AGL: variants seen among roughly 807,000 people sequenced by gnomAD.
AGL encodes amylo-alpha-1,6-glucosidase and 4-alpha-glucanotransferase, also known as glycogen debranching enzyme.
A neutral mutation model predicts 199.3 loss-of-function variants in AGL; 128 were observed. The observed-to-expected ratio is 0.64, with a 90% CI of 0.56 to 0.74. The LOEUF (loss-of-function observed/expected upper bound fraction) is 0.74. Ranked by LOEUF, AGL falls within the 30% of genes least tolerant of loss-of-function variation. The pLI is 0.00. For missense variants in AGL, 1,809 were observed against 1,820.8 expected (o/e 0.99, Z 0.12); for synonymous variants, 584 against 594.7 (o/e 0.98, Z 0.26).
intron 5 of AGL, among the ~76,000 whole-genome samples, chr1:99,866,800 T>TATTCTTTCTTTC (rs1553184030): frequency 2.6e-5 from 4 of 151,018 alleles, no homozygotes; most frequent in African/African-American, 9.7e-5. Context: ...ACAAGTTTTC[T>TATTCTTTCTTTC]TTTATTTATT....
At chr1:99,880,254 T>C (rs1435517085) in intron 13 of AGL, among the ~76,000 whole-genome samples, 2 of 152,228 alleles carry the variant, frequency 1.3e-5, no homozygotes, top group Non-Finnish European at 2.9e-5. Flanking sequence ...CATTTCAAAT[T>C]GAAAGACCAG....
At chr1:99,897,904 A>T (rs1027535089) in intron 25 of AGL, among the ~76,000 whole-genome samples, 10 of 152,216 alleles carry the variant, frequency 6.6e-5, no homozygotes, top group Admixed American at 3.9e-4. Context: ...TATCATTATT[A>T]ATGTTTAGGC....
intron 2 of AGL, among the ~76,000 whole-genome samples, chr1:99,859,378 C>G (rs1649838349): frequency 6.9e-6 from 1 of 144,740 alleles, no homozygotes; most frequent in Admixed American, 7.0e-5. Context: ...TAGGATTATA[C>G]TATCTAAACA....
At position 99,915,499 on chromosome 1, in the gene AGL, A is replaced by G. The variant is rs754649508; in HGVS notation, c.4259+13A>G. ...CTTTAGATCCAGAGTAAGTTGGAAT[A>G]TAAGTATTAAGAATGTTATCATATT... On this transcript the variant is annotated intron_variant, in intron 31 of 33. Coordinates refer to ENST00000361915, the MANE Select transcript of AGL (RefSeq NM_000642.3). 12 of 1,583,392 alleles carry G rather than the reference A, an allele frequency of 7.6e-6. No individual in the cohort carries two copies. The highest frequency in any genetic ancestry group is 1.1e-5 in the South Asian group (1 of 90,486).
chr1:99,885,031 A>G (rs1435399358), intron 20 of AGL, among the ~76,000 whole-genome samples: 3 of 152,128 alleles, frequency 2.0e-5, no homozygotes, highest in African/African-American at 7.2e-5. Context: ...TTACCACATC[A>G]TTTTTTAAAA....
intron 4 of AGL, 133 bp downstream of exon 4, chr1:99,862,556 T>C (rs1650141864): frequency 2.0e-6 from 2 of 1,010,264 alleles, no homozygotes; most frequent in Non-Finnish European, 3.0e-6. Context: ...ACTGGGTAAT[T>C]TATAAAGAAA....
chr1:99,862,395 A>C lies in AGL; in HGVS notation c.432A>C (p.Glu144Asp). The C allele has an allele frequency of 1.2e-6, 2 of 1,614,146 alleles. No individual in the cohort carries two copies. Among genetic ancestry groups the C allele is most frequent in the Admixed American group, 3.3e-5 (2 of 60,018 alleles). ...GTTTGGGACCTTTTGATGAATGGGA[A>C]AGCAGACTTAGGGTTGCAAAAGAAT... is the stretch of plus-strand genomic sequence containing the variant. ...AKCLGPFDEW[E>D]SRLRVAKESG... Residue 144 changes from glutamate to aspartate, a missense_variant, in exon 4 of 34, where the codon GAA becomes GAC. Coordinates refer to ENST00000361915, the MANE Select transcript of AGL (RefSeq NM_000642.3).
At chr1:99,917,079 TATATC>T (rs1412498750) in intron 33 of AGL, among the ~76,000 whole-genome samples, 1 of 152,184 alleles carries the variant, frequency 6.6e-6, no homozygotes, top group Non-Finnish European at 1.5e-5. Context: ...GATTTAAAGA[TATATC>T]AAGAAATAGT....
intron 27 of AGL, among the ~76,000 whole-genome samples, chr1:99,905,228 T>G (rs1654175640): frequency 6.6e-6 from 1 of 152,120 alleles, no homozygotes; most frequent in South Asian, 2.1e-4. Context: ...GATGGAGTCT[T>G]GCTCTGTCCC....
rs946226493 is a variant in AGL at position 99,922,600 on chromosome 1, G to C, written c.*949G>C. On this transcript the variant is annotated 3_prime_UTR_variant, in exon 34 of 34. Transcript: ENST00000361915. ...ATATCTTAAATTCAATAAAATCACT[G>C]GAAGTTTTTCATGATAACTTATTTT... is the stretch of plus-strand genomic sequence containing the variant. 2 of 151,516 alleles carry C rather than the reference G, an allele frequency of 1.3e-5. No individual in the cohort carries two copies. Among genetic ancestry groups the C allele is most frequent in the African/African-American group, 4.8e-5 (2 of 41,354 alleles). 9.4% of individuals were successfully genotyped at this position (151,516 alleles called of 1,614,324 possible).
chr1:99,874,606 G>A (rs1571251702), intron 7 of AGL, 81 bp from the exon 8 acceptor site: 6 of 1,343,298 alleles, frequency 4.5e-6, no homozygotes, highest in Non-Finnish European at 6.2e-6. Context: ...AAAAATTATA[G>A]GCCAAAAATT....
chr1:99,855,995 A>G (rs1396121748), intron 2 of AGL, among the ~76,000 whole-genome samples: 1 of 152,190 alleles, frequency 6.6e-6, no homozygotes, highest in Non-Finnish European at 1.5e-5. Flanking sequence ...TTTATTTACA[A>G]TAATAGTTTA....
At chr1:99,918,946 G>A (rs569921938) in intron 33 of AGL, among the ~76,000 whole-genome samples, 1 of 152,280 alleles carries the variant, frequency 6.6e-6, no homozygotes, top group African/African-American at 2.4e-5. Flanking sequence ...GCCACATACT[G>A]CTTCTTCTCA....
In AGL at chr1:99,892,424, T is replaced by G. The variant is rs186402161; in HGVS notation, c.3084-8T>G. ...TACAAGTAATAAATTCAATCACTTTTGTTACAGCTTTGTTCAGAATGGTTC... is the reference window on the plus strand; with the variant it reads ...TACAAGTAATAAATTCAATCACTTTGGTTACAGCTTTGTTCAGAATGGTTC... On this transcript the variant is annotated splice_polypyrimidine_tract_variant and splice_region_variant and intron_variant, in intron 23 of 33. Coordinates refer to ENST00000361915, the MANE Select transcript of AGL (RefSeq NM_000642.3). The G allele has an allele frequency of 1.9e-6, 3 of 1,612,864 alleles. No homozygotes were observed. In the African/African-American group the frequency reaches 4.0e-5, roughly 22 times the overall value.
rs1480314956 is a variant in AGL, at chr1:99,884,710, A to T, written c.2681+7A>T. ...TAAAAATTCCTTTTGCTTCGTAAGT[A>T]TGCCTTGTTTGGTAGAGATTTGCCA... On this transcript the variant is annotated splice_region_variant and intron_variant, in intron 20 of 33. Coordinates refer to ENST00000361915, the MANE Select transcript of AGL (RefSeq NM_000642.3). 6.2e-7 allele frequency: 1 copy of T among 1,613,844 alleles called. No individual in the cohort carries two copies.
intron 2 of AGL, among the ~76,000 whole-genome samples, chr1:99,858,792 AG>A (rs1649787219): frequency 6.6e-6 from 1 of 151,744 alleles, no homozygotes; most frequent in Non-Finnish European, 1.5e-5. Flanking sequence ...GAGAGCCAAA[AG>A]GTTTTTTCTA....
intron 33 of AGL, among the ~76,000 whole-genome samples, chr1:99,918,188 T>C (rs1036173457): frequency 6.6e-6 from 1 of 152,190 alleles, no homozygotes; most frequent in Non-Finnish European, 1.5e-5. Flanking sequence ...CTTTTTTCTC[T>C]TTCATACTTT....
At chr1:99,859,303 GT>G (rs1317029502) in intron 2 of AGL, among the ~76,000 whole-genome samples, 2 of 149,238 alleles carry the variant, frequency 1.3e-5, no homozygotes, top group Non-Finnish European at 3.0e-5. Flanking sequence ...ATTTTAAAAT[GT>G]TTTCCCTAAT....
At chr1:99,889,973 TAAAC>T (rs1652750260) in intron 21 of AGL, among the ~76,000 whole-genome samples, 1 of 152,192 alleles carries the variant, frequency 6.6e-6, no homozygotes, top group Admixed American at 6.5e-5. Context: ...GTCTTTCCCT[TAAAC>T]AAAATGTATT....
Sources: gnomAD v4.1 joint callset for allele counts (sites outside exome capture counted in the v4.1 genomes callset) on GRCh38, gnomAD v4.1.1 for gene constraint, MANE v1.5 for transcripts, NCBI Gene and HGNC (gene_info 2026-07-23, HGNC 2026-07-21) for gene names.